DENND5A: variants seen among roughly 807,000 people sequenced by gnomAD.
DENND5A encodes DENN domain containing 5A.
Under a neutral mutation model 140.3 loss-of-function variants are expected in DENND5A, and 64 were observed. That is an observed-to-expected ratio of 0.46 (90% CI 0.37 to 0.56). DENND5A has a LOEUF of 0.56. Ranked by LOEUF, DENND5A falls within the 20% of genes least tolerant of loss-of-function variation. The pLI, the probability that DENND5A is intolerant of heterozygous loss-of-function variation, is 0.00. For missense variants in DENND5A, 1,292 were observed against 1,593.8 expected, an observed-to-expected ratio of 0.81 and a Z score of 3.22; for synonymous variants, 605 against 607.7, an observed-to-expected ratio of 1.00 and a Z score of 0.07.
At chr11:9,166,213 G>C (rs1006013341) in intron 10 of DENND5A, among the ~76,000 whole-genome samples, 1 of 151,766 alleles carries the variant, frequency 6.6e-6, no homozygotes, top group African/African-American at 2.4e-5. Flanking sequence ...TGAGTGGCTG[G>C]GACTACAGGC....
chr11:9,262,717 A>C (rs2136310901), intron 1 of DENND5A, among the ~76,000 whole-genome samples: 1 of 147,948 alleles, frequency 6.8e-6, no homozygotes, highest in East Asian at 2.0e-4. Flanking sequence ...AACTTGAACA[A>C]TTATTAGGTA....
At chr11:9,175,344 A>T (rs1848513275) in intron 8 of DENND5A, 1 of 152,222 alleles carries the variant, frequency 6.6e-6, no homozygotes, top group African/African-American at 2.4e-5. Flanking sequence ...GTTGAGAAAA[A>T]TTAAAGATGA....
At chr11:9,176,868 T>C (rs756314823) in intron 8 of DENND5A, 2 of 456,228 alleles carry the variant, frequency 4.4e-6, no homozygotes, top group South Asian at 1.5e-5. Context: ...CAGCTTCCCA[T>C]GCACTTGAGG....
At chr11:9,189,989 C>T (rs968662128) in intron 5 of DENND5A, among the ~76,000 whole-genome samples, 2 of 152,200 alleles carry the variant, frequency 1.3e-5, no homozygotes, top group African/African-American at 4.8e-5. Context: ...GACACGGAGT[C>T]AAAGGAGATC....
intron 10 of DENND5A, 89 bp from the exon 11 acceptor site, chr11:9,166,056 A>T: frequency 3.8e-5 from 43 of 1,127,690 alleles, no homozygotes; most frequent in East Asian, 1.5e-4. Flanking sequence ...AGAGGGCATT[A>T]TTTTCTCACA....
chr11:9,187,147 C>T (rs138314090), intron 5 of DENND5A, among the ~76,000 whole-genome samples: 27 of 152,032 alleles, frequency 1.8e-4, no homozygotes, highest in Non-Finnish European at 2.8e-4. Flanking sequence ...CAAATTACTA[C>T]ACTCATACAA....
rs749000695 is a variant in DENND5A, at chr11:9,179,089, A to C, written c.1456-16T>G. 2.0e-5 allele frequency: 32 copies of C among 1,610,512 alleles called. No homozygotes were observed. Among genetic ancestry groups the C allele is most frequent in the Admixed American group, 3.3e-5 (2 of 59,854 alleles). The stretch of plus-strand genomic sequence containing the variant: ...GCACTTCCAACTACAAAAAAAGAAA[A>C]AGCAGTTGAGAACACATACACTTTT... On this transcript the variant is annotated splice_polypyrimidine_tract_variant and intron_variant, in intron 6 of 22. Transcript: ENST00000328194.
chr11:9,196,306 T>C (rs1849326436), intron 4 of DENND5A, among the ~76,000 whole-genome samples: 1 of 152,114 alleles, frequency 6.6e-6, no homozygotes, highest in Non-Finnish European at 1.5e-5. Flanking sequence ...AATCACTCTA[T>C]AAATAAGCCC....
intron 12 of DENND5A, among the ~76,000 whole-genome samples, chr11:9,154,458 T>A (rs1271151948): frequency 6.6e-6 from 1 of 152,126 alleles, no homozygotes; most frequent in Non-Finnish European, 1.5e-5. Context: ...AGATTTAAGG[T>A]CTTAAGATAT....
chr11:9,210,576 C>T (rs1849843345), intron 1 of DENND5A, among the ~76,000 whole-genome samples: 2 of 152,188 alleles, frequency 1.3e-5, no homozygotes, highest in Admixed American at 6.5e-5. Flanking sequence ...TAAGGTCACA[C>T]TCTGTTGCCC....
chr11:9,142,787 T>A lies in DENND5A; in HGVS notation c.3446A>T (p.Gln1149Leu). 1 of 1,614,200 alleles carries A rather than the reference T, an allele frequency of 6.2e-7. No individual in the cohort carries two copies. Among genetic ancestry groups the A allele is most frequent in the Non-Finnish European group, 8.5e-7 (1 of 1,180,032 alleles). Reference protein sequence around the residue: ...GECGLVSALEQAFQHGFKSPR... With the variant: ...GECGLVSALELAFQHGFKSPR... ...CGATTTAAATCCATGCTGGAAAGCC[T>A]GTTCCAAGGCCGAGACAAGGCCACA... The change falls in exon 21 of 23, where the codon CAG (glutamine) becomes CTG (leucine). Residue 1149 changes from glutamine (Q) to leucine (L), a missense_variant. This residue lies in a region of DENND5A where 498 missense variants were observed against 689.7 expected (regional missense o/e 0.72). Coordinates refer to ENST00000328194, the MANE Select transcript of DENND5A (RefSeq NM_015213.4).
intron 10 of DENND5A, among the ~76,000 whole-genome samples, chr11:9,166,543 C>T (rs913681056): frequency 6.6e-6 from 1 of 152,086 alleles, no homozygotes; most frequent in African/African-American, 2.4e-5. Context: ...TTTAAAGATA[C>T]AAGAGTCAGG....
At chr11:9,220,062 T>C (rs373098392) in intron 1 of DENND5A, among the ~76,000 whole-genome samples, 10 of 152,198 alleles carry the variant, frequency 6.6e-5, no homozygotes, top group African/African-American at 1.7e-4. Context: ...GGTTTTGTTT[T>C]GTTTTTTCAA....
Position 9,178,211 on chromosome 11 carries a change from G to T in DENND5A, c.1827C>A (p.Asp609Glu), listed in dbSNP as rs757440286. The T allele has an allele frequency of 6.2e-7, 1 of 1,614,100 alleles. No individual in the cohort carries two copies. The highest frequency in any genetic ancestry group is 1.1e-5 in the South Asian group (1 of 91,074). ...PVLRVFDSRV[D>E]KIRLLNVRTP... ...TCCGAACATTCAACAGCCTGATCTT[G>T]TCAACTCGGGAATCAAATACCCGGA... The change falls in exon 8 of 23, where the codon GAC (aspartate) becomes GAA (glutamate). Residue 609 changes from aspartate to glutamate, a missense_variant. Asp to Glu is a conservative substitution (Grantham distance 45). Coordinates refer to ENST00000328194, the MANE Select transcript of DENND5A (RefSeq NM_015213.4).
Position 9,145,759 on chromosome 11 carries a change from T to C in DENND5A, c.2914A>G (p.Thr972Ala), listed in dbSNP as rs769647153. The C allele has an allele frequency of 6.2e-7, 1 of 1,614,170 alleles. No homozygotes were observed. The highest frequency in any genetic ancestry group is 1.7e-5 in the Admixed American group (1 of 60,020). Residue 972 changes from threonine (T) to alanine (A), a missense_variant, in exon 17 of 23, where the codon ACT becomes GCT. Thr to Ala is a moderately conservative substitution (Grantham distance 58). Transcript: ENST00000328194. ...PSKKLGGSMF[T>A]ANPWICISGE... Reference sequence around the variant, plus strand: ...GATATACAGATCCATGGGTTGGCAGTGAACATGGAGCCCCCCAGCTTCTTG... The same window carrying C: ...GATATACAGATCCATGGGTTGGCAGCGAACATGGAGCCCCCCAGCTTCTTG...
chr11:9,142,614 A>G (rs1054084512), intron 21 of DENND5A, 108 bp downstream of exon 21: 1 of 1,376,182 alleles, frequency 7.3e-7, no homozygotes, highest in Non-Finnish European at 1.0e-6. Context: ...TCTGAGAGTC[A>G]CCTAATTTGG....
intron 1 of DENND5A, among the ~76,000 whole-genome samples, chr11:9,236,258 G>A (rs1271354540): frequency 2.7e-5 from 4 of 149,582 alleles, no homozygotes; most frequent in South Asian, 2.1e-4. Flanking sequence ...TTCGCTGGGC[G>A]CAGTGGCTCG....
At chr11:9,230,730 C>T (rs1481347036) in intron 1 of DENND5A, among the ~76,000 whole-genome samples, 1 of 152,124 alleles carries the variant, frequency 6.6e-6, no homozygotes. Flanking sequence ...CAGTGGCTCA[C>T]ATCTGTAATC....
At position 9,189,555 on chromosome 11, in the gene DENND5A, G is replaced by A. The variant is rs190104616; in HGVS notation, c.1137+3939C>T. ...CAGGAGGGAGGCTGTACCCTGCAAA[G>A]CCACAGGGGTGGAGCAGCCCAAGAC... On this transcript the variant is annotated intron_variant, in intron 5 of 22. Coordinates refer to ENST00000328194, the MANE Select transcript of DENND5A (RefSeq NM_015213.4). Among the ~76,000 whole-genome samples, 443 of 152,034 alleles carry A rather than the reference G, an allele frequency of 2.9e-3. 2 individuals are homozygous for A. The highest frequency in any genetic ancestry group is 0.01 in the African/African-American group (421 of 41,498).
Sources: gnomAD v4.1 joint callset for allele counts (sites outside exome capture counted in the v4.1 genomes callset) on GRCh38, gnomAD v4.1.1 for gene constraint, gnomAD v4.1.1 regional missense constraint, MANE v1.5 for transcripts, NCBI Gene and HGNC (gene_info 2026-07-23, HGNC 2026-07-21) for gene names.